The following CGNL1 variants were observed in gnomAD, a reference collection of about 807,000 sequenced individuals.
CGNL1 encodes cingulin-like protein 1.
Under a neutral mutation model 141.2 loss-of-function variants are expected in CGNL1, and 132 were observed. The observed-to-expected ratio is 0.93, with a 90% CI of 0.81 to 1.08. The LOEUF is 1.08. CGNL1 is among the 50% of genes least tolerant of loss of function. CGNL1 has a pLI of 0.00. For synonymous variants in CGNL1, 690 were observed against 622.1 expected, an observed-to-expected ratio of 1.11 and a Z score of -1.63; for missense variants, 1,870 against 1,588.6, an observed-to-expected ratio of 1.18 and a Z score of -3.01.
At chr15:57,407,652 G>A (rs148137241) in intron 1 of CGNL1, among the ~76,000 whole-genome samples, 186 of 152,190 alleles carry the variant, frequency 1.2e-3, no homozygotes, top group Admixed American at 2.7e-3. Flanking sequence ...CTTTGGCCTG[G>A]GCGACAGAGT....
intron 1 of CGNL1, among the ~76,000 whole-genome samples, chr15:57,399,674 A>G (rs1156994429): frequency 6.6e-6 from 1 of 151,918 alleles, no homozygotes; most frequent in African/African-American, 2.4e-5. Context: ...AAGATCTCTG[A>G]GTTTTGTCTT....
At chr15:57,434,420 A>G (rs1405565323) in intron 1 of CGNL1, among the ~76,000 whole-genome samples, 1 of 152,238 alleles carries the variant, frequency 6.6e-6, no homozygotes, top group Non-Finnish European at 1.5e-5. Flanking sequence ...GAAACCAAGA[A>G]CAAAATAAAA....
chr15:57,482,737 T>A (rs1328275635), intron 8 of CGNL1, among the ~76,000 whole-genome samples: 1 of 152,306 alleles, frequency 6.6e-6, no homozygotes, highest in Admixed American at 6.5e-5. Context: ...TTATTCTTTT[T>A]TAAAATTGTT....
At chr15:57,472,914 T>A (rs1250391210) in intron 8 of CGNL1, among the ~76,000 whole-genome samples, 2 of 152,178 alleles carry the variant, frequency 1.3e-5, no homozygotes. Flanking sequence ...ATTTAAACAC[T>A]TACAGAAGCA....
intron 8 of CGNL1, chr15:57,477,613 G>T (rs1479831291): frequency 1.3e-5 from 2 of 152,188 alleles, no homozygotes; most frequent in East Asian, 1.9e-4. Flanking sequence ...ACCTCTTTCT[G>T]CCTGGTCAAG....
At chr15:57,445,440 A>G (rs1375278098) in intron 4 of CGNL1, among the ~76,000 whole-genome samples, 2 of 152,130 alleles carry the variant, frequency 1.3e-5, no homozygotes, top group African/African-American at 4.8e-5. Flanking sequence ...TTAGAGTTTT[A>G]TCTTTGCGGT....
intron 1 of CGNL1, among the ~76,000 whole-genome samples, chr15:57,383,753 C>T (rs769775629): frequency 6.6e-5 from 10 of 151,968 alleles, no homozygotes; most frequent in East Asian, 1.9e-4. Flanking sequence ...CTCAGCCTCC[C>T]GAGGAGCTGG....
At chr15:57,486,505 C>T (rs1168464729) in intron 8 of CGNL1, among the ~76,000 whole-genome samples, 1 of 152,154 alleles carries the variant, frequency 6.6e-6, no homozygotes, top group South Asian at 2.1e-4. Flanking sequence ...CACATGAGTC[C>T]GTCCAGTCTT....
At chr15:57,532,768 TCCACACACTTGC>T (rs568859148) in intron 14 of CGNL1, among the ~76,000 whole-genome samples, 1 of 152,206 alleles carries the variant, frequency 6.6e-6, no homozygotes, top group Non-Finnish European at 1.5e-5. Context: ...GCTACCACAT[TCCACACACTTGC>T]TTGTTGAACT....
rs749393928 is a variant in CGNL1 at position 57,439,493 on chromosome 15, A to T, written c.1494A>T (p.Lys498Asn). The T allele has an allele frequency of 6.2e-7, 1 of 1,614,190 alleles. No individual in the cohort carries two copies. The highest frequency in any genetic ancestry group is 8.5e-7 in the Non-Finnish European group (1 of 1,180,030). ...GAQSKKEEEV[K>N]TATATLMLQN... ...AGAGTAAAAAGGAGGAGGAGGTGAA[A>T]ACAGCCACCGCTACGCTGATGTTAC... is the stretch of plus-strand genomic sequence containing the variant. The change falls in exon 2 of 19, where the codon AAA becomes AAT. Residue 498 changes from lysine (K) to asparagine (N), a missense_variant. Coordinates refer to ENST00000281282, the MANE Select transcript of CGNL1 (RefSeq NM_032866.5).
At chr15:57,423,148 T>G (rs2062934863) in intron 1 of CGNL1, among the ~76,000 whole-genome samples, 1 of 152,212 alleles carries the variant, frequency 6.6e-6, no homozygotes. Context: ...AACTGGTTTT[T>G]GTTAAACACA....
chr15:57,509,469 C>G (rs1486348315), intron 8 of CGNL1, among the ~76,000 whole-genome samples: 4 of 152,224 alleles, frequency 2.6e-5, no homozygotes, highest in African/African-American at 9.7e-5. Context: ...TACTTGTTGT[C>G]CATCAGGAGC....
rs1324763820 is a variant in CGNL1 at position 57,486,877 on chromosome 15, T to TGCATTCTGTCC, written c.2403+24986_2403+24996dup. ...GCATGCTCCTGAGGGGGAGGCTGTT[T>TGCATTCTGTCC]GCATTCTGTCCTTGTTTTACATTTC... On this transcript the variant is annotated intron_variant, in intron 8 of 18. Transcript: ENST00000281282. 1.6e-4 allele frequency among the ~76,000 whole-genome samples: 24 copies of TGCATTCTGTCC among 152,330 alleles called. No individual in the cohort carries two copies. The East Asian group carries it at 4.6e-3, about 29-fold the overall frequency.
At chr15:57,411,001 C>T (rs2062780341) in intron 1 of CGNL1, among the ~76,000 whole-genome samples, 1 of 152,084 alleles carries the variant, frequency 6.6e-6, no homozygotes, top group African/African-American at 2.4e-5. Flanking sequence ...ATAATTGTTA[C>T]TGTACCACAA....
chr15:57,511,584 G>C (rs1261419729), intron 8 of CGNL1, among the ~76,000 whole-genome samples: 2 of 152,170 alleles, frequency 1.3e-5, no homozygotes, highest in African/African-American at 4.8e-5. Flanking sequence ...AGCCCCACCA[G>C]CAATCGATGA....
rs147106760 is a variant in CGNL1 at position 57,488,588 on chromosome 15, T to G, written c.2403+26696T>G. Among the ~76,000 whole-genome samples the G allele has an allele frequency of 3.1e-3, 479 of 152,290 alleles. 5 individuals are homozygous for G. Among genetic ancestry groups the G allele is most frequent in the African/African-American group, 0.011 (449 of 41,552 alleles). ...GACTTAGCCATGTCATCCTTGATCA[T>G]AAAGGTGATCAACACTGAGAAAGCC... On this transcript the variant is annotated intron_variant, in intron 8 of 18. Transcript: ENST00000281282.
chr15:57,543,599 A>C lies in CGNL1; in HGVS notation c.3292-97A>C. On this transcript the variant is annotated intron_variant, in intron 14 of 18. Coordinates refer to ENST00000281282, the MANE Select transcript of CGNL1 (RefSeq NM_032866.5). ...GCTGGGTAGGGCAACCCCCTTCATA[A>C]AGTGGAGGTTGACATTCAGTTCCTT... is the stretch of plus-strand genomic sequence containing the variant. The C allele has an allele frequency of 3.8e-6, 4 of 1,065,478 alleles. No homozygotes were observed. In the South Asian group the frequency reaches 5.3e-5, roughly 14 times the overall value. The allele number at this position is 1,065,478 out of a possible 1,614,324, so 66.0% of individuals were successfully genotyped here. A position where few individuals can be genotyped will look rare whatever the true frequency, so the allele number is the denominator to read the frequency against.
chr15:57,460,639 A>C (rs1330752454), intron 7 of CGNL1, among the ~76,000 whole-genome samples: 2 of 152,190 alleles, frequency 1.3e-5, no homozygotes, highest in African/African-American at 4.8e-5. Flanking sequence ...GAGAGTGAGC[A>C]AAGTGGGGAA....
chr15:57,385,396 G>C (rs543655138), intron 1 of CGNL1, among the ~76,000 whole-genome samples: 6 of 152,196 alleles, frequency 3.9e-5, no homozygotes, highest in Non-Finnish European at 8.8e-5. Context: ...TTAGCTGGGC[G>C]TGGGGGCGCA....
Sources: allele counts gnomAD v4.1 joint callset (sites outside exome capture counted in the v4.1 genomes callset), GRCh38; gene constraint gnomAD v4.1.1; transcripts MANE v1.5; gene names NCBI Gene and HGNC (gene_info 2026-07-23, HGNC 2026-07-21).